The following ARL13B variants were observed in gnomAD, a reference collection of about 807,000 sequenced individuals.
ARL13B encodes the protein ARF like GTPase 13B.
Under a neutral mutation model 56.1 loss-of-function variants are expected in ARL13B, and 36 were observed. That is an observed-to-expected ratio of 0.64 (90% CI 0.49 to 0.85). ARL13B has a LOEUF of 0.85. ARL13B is among the 40% of genes least tolerant of loss of function. The probability of loss-of-function intolerance (pLI) is 0.00; values close to 1 mark genes in which losing one functional copy is unlikely to be tolerated. For synonymous variants in ARL13B, 178 were observed against 171.1 expected, an observed-to-expected ratio of 1.04 and a Z score of -0.32; for missense variants, 519 against 507.1, an observed-to-expected ratio of 1.02 and a Z score of -0.23.
chr3:93,987,277 G>A (rs1351942248), intron 1 of ARL13B, among the ~76,000 whole-genome samples: 4 of 151,892 alleles, frequency 2.6e-5, no homozygotes, highest in African/African-American at 9.7e-5. Context: ...ACAGGCATAA[G>A]CCATTGTGCC....
rs1429201281 is a variant in ARL13B at position 93,980,416 on chromosome 3, G to A, written c.-8G>A. The A allele has an allele frequency of 6.2e-7, 1 of 1,612,038 alleles. No homozygotes were observed. ...TCGGATGGGAAGTGGTGGGAGGAGC[G>A]ACCCGGGATGTTCAGTCTGATGGCC... is the stretch of plus-strand genomic sequence containing the variant. On this transcript the variant is annotated 5_prime_UTR_variant, in exon 1 of 10. Transcript: ENST00000394222.
chr3:94,026,081 A>G (rs1487140845), intron 3 of ARL13B, among the ~76,000 whole-genome samples: 1 of 146,376 alleles, frequency 6.8e-6, no homozygotes, highest in Admixed American at 7.0e-5. Context: ...GTGCAGTGGC[A>G]CCATCTCGGC....
rs2077099025 is a variant in ARL13B, at chr3:94,053,522, G to A, written c.*259G>A. The A allele has an allele frequency of 8.4e-6, 5 of 598,396 alleles. No homozygotes were observed. The highest frequency in any genetic ancestry group is 4.5e-4 in the Middle Eastern group (1 of 2,202). 37.1% of individuals were successfully genotyped at this position (598,396 alleles called of 1,614,324 possible). A position where few individuals can be genotyped will look rare whatever the true frequency, so the allele number is the denominator to read the frequency against. On this transcript the variant is annotated 3_prime_UTR_variant, in exon 10 of 10. Transcript: ENST00000394222. ...ATTAGCAAGATTTACTGTTGACTCT[G>A]GTTTATACATCCCCACTCATGAGCA...
chr3:94,051,388 C>T (rs972826827), intron 9 of ARL13B, among the ~76,000 whole-genome samples: 3 of 151,920 alleles, frequency 2.0e-5, no homozygotes, highest in Non-Finnish European at 4.4e-5. Context: ...ATCAGTAAAC[C>T]TAATAAAGTT....
chr3:94,043,348 TTC>T, intron 7 of ARL13B, 108 bp downstream of exon 7: 1 of 1,033,970 alleles, frequency 9.7e-7, no homozygotes, highest in Non-Finnish European at 1.4e-6. Flanking sequence ...TTCAATATTT[TTC>T]TGTCTTCAAA....
intron 3 of ARL13B, among the ~76,000 whole-genome samples, chr3:94,028,787 G>C (rs1475248342): frequency 6.6e-6 from 1 of 152,060 alleles, no homozygotes; most frequent in Admixed American, 6.6e-5. Flanking sequence ...CCAAGAAAAT[G>C]GGTTTGTATT....
intron 3 of ARL13B, chr3:94,014,748 T>A (rs200555669): frequency 6.2e-7 from 1 of 1,613,256 alleles, no homozygotes; most frequent in African/African-American, 1.3e-5. Context: ...ACATCTCTTT[T>A]CCAGCAACTT....
intron 3 of ARL13B, among the ~76,000 whole-genome samples, chr3:94,013,927 A>T (rs1358837058): frequency 6.6e-6 from 1 of 152,220 alleles, no homozygotes; most frequent in Non-Finnish European, 1.5e-5. Context: ...AGCCTGGGTG[A>T]CAGAGTGAAA....
intron 7 of ARL13B, among the ~76,000 whole-genome samples, chr3:94,046,144 A>G (rs372389712): frequency 6.6e-6 from 1 of 151,916 alleles, no homozygotes; most frequent in Non-Finnish European, 1.5e-5. Context: ...CAAACTGCAC[A>G]TATTTATAGT....
intron 3 of ARL13B, among the ~76,000 whole-genome samples, chr3:94,005,605 T>G (rs2076120446): frequency 6.6e-6 from 1 of 152,232 alleles, no homozygotes; most frequent in Non-Finnish European, 1.5e-5. Flanking sequence ...GCTTCACCAT[T>G]ATAAACTCAT....
chr3:94,039,449 G>A (rs1576034021), intron 5 of ARL13B, among the ~76,000 whole-genome samples: 1 of 139,178 alleles, frequency 7.2e-6, no homozygotes, highest in East Asian at 2.1e-4. Context: ...GCAGTGAGCC[G>A]AGATGGTGCC....
At chr3:93,981,693 T>G (rs566258501) in intron 1 of ARL13B, among the ~76,000 whole-genome samples, 112 of 151,624 alleles carry the variant, frequency 7.4e-4, no homozygotes, top group African/African-American at 2.7e-3. Flanking sequence ...ACCAGCCTGG[T>G]CAATATGGCG....
chr3:94,027,398 A>G lies in ARL13B; in HGVS notation c.381-7933A>G, dbSNP rs2076580087. ...CTTTTTTCTACATTTTATTTAGTCTAAATAACTTATTGAATTAACTTGTAT... is the reference window on the plus strand; with the variant it reads ...CTTTTTTCTACATTTTATTTAGTCTGAATAACTTATTGAATTAACTTGTAT... On this transcript the variant is annotated intron_variant, in intron 3 of 9. Transcript: ENST00000394222. Among the ~76,000 whole-genome samples, 10 of 148,770 alleles carry G rather than the reference A, an allele frequency of 6.7e-5. No homozygotes were observed. The South Asian group carries it at 2.1e-3, about 31-fold the overall frequency.
chr3:94,001,132 A>T (rs892584764), intron 2 of ARL13B, among the ~76,000 whole-genome samples: 5 of 152,200 alleles, frequency 3.3e-5, no homozygotes, highest in Non-Finnish European at 7.3e-5. Flanking sequence ...GGTAAAGGTG[A>T]TAGTAGAAGT....
chr3:94,019,644 C>G (rs556096304), intron 3 of ARL13B, among the ~76,000 whole-genome samples: 1 of 150,520 alleles, frequency 6.6e-6, no homozygotes, highest in East Asian at 2.0e-4. Flanking sequence ...AAATGTAGGT[C>G]AGACCATGTC....
chr3:94,040,241 G>A (rs2076839369), intron 6 of ARL13B, among the ~76,000 whole-genome samples: 1 of 152,048 alleles, frequency 6.6e-6, no homozygotes, highest in South Asian at 2.1e-4. Context: ...TTTGACTGTA[G>A]CAATTATTAT....
chr3:94,055,098 C>T lies in ARL13B; in HGVS notation c.*1835C>T, dbSNP rs150115163. On this transcript the variant is annotated 3_prime_UTR_variant, in exon 10 of 10. Transcript: ENST00000394222. ...GAAATTAAATATAATATAGAATTCA[C>T]ATTTTATATAGCTCTCTCAAAAATT... 1 of 365,772 alleles carries T rather than the reference C, an allele frequency of 2.7e-6. No homozygotes were observed. The highest frequency in any genetic ancestry group is 7.9e-5 in the East Asian group (1 of 12,590). The allele number at this position is 365,772 out of a possible 1,614,324, so 22.7% of individuals were successfully genotyped here.
intron 1 of ARL13B, 52 bp from the exon 2 acceptor site, chr3:93,995,822 C>T (rs1443116136): frequency 6.0e-6 from 9 of 1,489,816 alleles, no homozygotes; most frequent in Non-Finnish European, 7.4e-6. Context: ...TTTATTTTTC[C>T]TCAATACTAA....
At chr3:94,039,009 C>A (rs1576033122) in intron 5 of ARL13B, among the ~76,000 whole-genome samples, 1 of 152,072 alleles carries the variant, frequency 6.6e-6, no homozygotes, top group African/African-American at 2.4e-5. Context: ...ATATGATACA[C>A]AACTTGATAA....
Sources: gnomAD v4.1 joint callset for allele counts (sites outside exome capture counted in the v4.1 genomes callset) on GRCh38, gnomAD v4.1.1 for gene constraint, MANE v1.5 for transcripts, NCBI Gene and HGNC (gene_info 2026-07-23, HGNC 2026-07-21) for gene names.